Variants in SRGAP3 observed in about 807,000 individuals in gnomAD.
The protein encoded by SRGAP3 is SLIT-ROBO Rho GTPase-activating protein 3.
Under a neutral mutation model 121.1 loss-of-function variants are expected in SRGAP3, and 39 were observed. That is an observed-to-expected ratio of 0.32 (90% confidence interval 0.25 to 0.42). The LOEUF (loss-of-function observed/expected upper bound fraction) is 0.42, where lower values mean the gene tolerates loss of function less well. Ranked by LOEUF, SRGAP3 falls within the 10% of genes least tolerant of loss-of-function variation. The pLI is 1.00. For synonymous variants in SRGAP3, 601 were observed against 570.0 expected, an observed-to-expected ratio of 1.05 and a Z score of -0.77; for missense variants, 1,213 against 1,470.6, an observed-to-expected ratio of 0.82 and a Z score of 2.86.
chr3:9,343,585 T>A (rs1458185633), intron 1 of SRGAP3, among the ~76,000 whole-genome samples: 2 of 152,260 alleles, frequency 1.3e-5, no homozygotes, highest in East Asian at 3.8e-4. Context: ...CTAGTAGCAT[T>A]GTATTATATA....
intron 3 of SRGAP3, among the ~76,000 whole-genome samples, chr3:9,087,467 G>C (rs1947553255): frequency 6.6e-6 from 1 of 152,172 alleles, no homozygotes; most frequent in Non-Finnish European, 1.5e-5. Flanking sequence ...TCTAAGGCAG[G>C]AGGCGGAAAG....
intron 15 of SRGAP3, chr3:9,014,303 TA>T (rs1301803492): frequency 6.1e-4 from 130 of 211,456 alleles, no homozygotes; most frequent in African/African-American, 2.7e-3. Context: ...TAAGCAGGTT[TA>T]AGCTGGGTTT....
At chr3:9,126,094 C>T (rs1187918761) in intron 1 of SRGAP3, among the ~76,000 whole-genome samples, 2 of 152,164 alleles carry the variant, frequency 1.3e-5, no homozygotes, top group African/African-American at 4.8e-5. Flanking sequence ...AAAGACACCC[C>T]ACAGGGTATG....
At chr3:9,277,457 A>G (rs1443278496) in intron 3 of SRGAP3, among the ~76,000 whole-genome samples, 1 of 151,840 alleles carries the variant, frequency 6.6e-6, no homozygotes, top group Non-Finnish European at 1.5e-5. Context: ...AAAATACAAA[A>G]ATTAGCTGGG....
intron 1 of SRGAP3, among the ~76,000 whole-genome samples, chr3:9,346,146 C>T (rs1182030794): frequency 6.6e-6 from 1 of 151,854 alleles, no homozygotes; most frequent in Non-Finnish European, 1.5e-5. Flanking sequence ...TCTTACTGCA[C>T]ATGTGAAAAC....
At position 9,025,307 on chromosome 3, in the gene SRGAP3, T is replaced by C. The variant is rs1944134393; in HGVS notation, c.1632A>G (p.Pro544=). Residue 544 remains proline, a synonymous_variant, in exon 14 of 22, where the codon CCA becomes CCG. Coordinates refer to ENST00000383836, the MANE Select transcript of SRGAP3 (RefSeq NM_014850.4). Reference sequence around the variant, plus strand: ...TGTCATTGACTTCCACCTGAGATCCTGGCACTCTGAAGATCCCCTGCTGCT... The same window carrying C: ...TGTCATTGACTTCCACCTGAGATCCCGGCACTCTGAAGATCCCCTGCTGCT... ...GLQQQGIFRV[P]GSQVEVNDIK... is the part of the protein sequence containing the mutation. 2 of 1,614,100 alleles carry C rather than the reference T, an allele frequency of 1.2e-6. No individual in the cohort carries two copies. The highest frequency in any genetic ancestry group is 1.1e-5 in the South Asian group (1 of 91,086).
chr3:9,154,933 A>G (rs1950354874), intron 1 of SRGAP3, among the ~76,000 whole-genome samples: 1 of 151,268 alleles, frequency 6.6e-6, no homozygotes, highest in Admixed American at 6.6e-5. Context: ...CAATGGTTAT[A>G]TAAATTTGCA....
chr3:9,059,988 G>T, intron 6 of SRGAP3: 1 of 546,116 alleles, frequency 1.8e-6, no homozygotes, highest in African/African-American at 1.9e-5. Context: ...ATATACAACT[G>T]CCCAAGCCAA....
intron 1 of SRGAP3, among the ~76,000 whole-genome samples, chr3:9,205,722 C>T (rs1369154396): frequency 6.6e-6 from 1 of 152,224 alleles, no homozygotes; most frequent in Admixed American, 6.5e-5. Flanking sequence ...GAGATGGAAG[C>T]AACCCAAATG....
rs1187988143 is a variant in SRGAP3 at position 9,058,707 on chromosome 3, T to TCC, written c.802-236_802-235insGG. ...AGGTTCCCTATATTCACCATCTTTC[T>TCC]CTCTCTCTTTTTTTTTTTTTTTTTT... On this transcript the variant is annotated intron_variant, in intron 6 of 21. Coordinates refer to ENST00000383836, the MANE Select transcript of SRGAP3 (RefSeq NM_014850.4). 8 of 425,834 alleles carry TCC rather than the reference T, an allele frequency of 1.9e-5. No homozygotes were observed. The African/African-American group carries it at 2.8e-4, about 15-fold the overall frequency. 26.4% of individuals were successfully genotyped at this position (425,834 alleles called of 1,614,324 possible). A position where few individuals can be genotyped will look rare whatever the true frequency, so the allele number is the denominator to read the frequency against.
In SRGAP3 at chr3:9,030,694, C is replaced by T. The variant is rs189131957; in HGVS notation, c.1539+1956G>A. Among the ~76,000 whole-genome samples, 319 of 152,280 alleles carry T rather than the reference C, an allele frequency of 2.1e-3. 1 individual carries two copies. Among genetic ancestry groups the T allele is most frequent in the Non-Finnish European group, 4.1e-3 (282 of 68,028 alleles). Reference sequence around the variant, plus strand: ...ATAGGACCCCTCTATTACGAAAATACTTAACTCAACAGAATATCTACTTGT... The same window carrying T: ...ATAGGACCCCTCTATTACGAAAATATTTAACTCAACAGAATATCTACTTGT... On this transcript the variant is annotated intron_variant, in intron 12 of 21. Transcript: ENST00000383836.
rs1407327056 is a variant in SRGAP3 at position 9,218,883 on chromosome 3, G to T, written c.67+30002C>A. On this transcript the variant is annotated intron_variant, in intron 1 of 21. Transcript: ENST00000383836. This position sits in a 1 kb window ranked among gnomAD's most constrained non-coding sequence, Gnocchi z 5.3. ...AGATGGGGTTTCACCATGTTGGCCA[G>T]GCTGGTCTCAAACTCCTGACCTCAG... Among the ~76,000 whole-genome samples the T allele has an allele frequency of 6.6e-6, 1 of 152,156 alleles. No individual in the cohort carries two copies. Among genetic ancestry groups the T allele is most frequent in the Non-Finnish European group, 1.5e-5 (1 of 68,036 alleles).
chr3:9,180,324 C>T (rs531229115), intron 1 of SRGAP3, among the ~76,000 whole-genome samples: 8 of 152,216 alleles, frequency 5.3e-5, no homozygotes, highest in Non-Finnish European at 8.8e-5. Flanking sequence ...CACAGAAAGA[C>T]ACGGAGAGTT....
intron 1 of SRGAP3, among the ~76,000 whole-genome samples, chr3:9,202,039 G>A (rs903185195): frequency 2.6e-5 from 4 of 151,810 alleles, no homozygotes; most frequent in African/African-American, 9.7e-5. Flanking sequence ...CCACAGTGAA[G>A]CCGGTTTCTT....
At chr3:9,157,465 A>C (rs1950456095) in intron 1 of SRGAP3, among the ~76,000 whole-genome samples, 1 of 152,252 alleles carries the variant, frequency 6.6e-6, no homozygotes, top group Admixed American at 6.5e-5. Flanking sequence ...AGAGCAACTT[A>C]AAGATAATAA....
intron 21 of SRGAP3, among the ~76,000 whole-genome samples, chr3:8,988,129 G>A (rs190859390): frequency 2.2e-3 from 332 of 152,250 alleles, no homozygotes; most frequent in African/African-American, 7.1e-3. Context: ...GTGGCGCTGT[G>A]AGTCTCCAGA....
intron 3 of SRGAP3, among the ~76,000 whole-genome samples, chr3:9,296,998 C>G (rs1021557873): frequency 1.3e-5 from 2 of 152,190 alleles, no homozygotes; most frequent in Non-Finnish European, 2.9e-5. Context: ...GATCCTCCTA[C>G]CTCAGCCTCC....
chr3:9,241,135 G>A (rs973675715), intron 1 of SRGAP3, among the ~76,000 whole-genome samples: 1 of 152,068 alleles, frequency 6.6e-6, no homozygotes, highest in African/African-American at 2.4e-5. Flanking sequence ...TTATTTCTCT[G>A]AACTTCAGAC....
At chr3:9,136,396 C>CT in intron 1 of SRGAP3, among the ~76,000 whole-genome samples, 1 of 40,884 alleles carries the variant, frequency 2.4e-5, no homozygotes, top group South Asian at 8.7e-4. Context: ...TCGCTGGGAC[C>CT]CCCCCCCCCC....
Sources: allele counts gnomAD v4.1 joint callset (sites outside exome capture counted in the v4.1 genomes callset), GRCh38; gene constraint gnomAD v4.1.1; non-coding constraint Gnocchi (gnomAD v3.1); transcripts MANE v1.5; gene names NCBI Gene and HGNC (gene_info 2026-07-23, HGNC 2026-07-21).